Variants in DIP2C observed in about 807,000 individuals in gnomAD.
DIP2C encodes DIP2 acetate--CoA ligase C (putative).
In DIP2C, 33 loss-of-function variants were observed where a neutral mutation model predicts 192.4. The observed-to-expected ratio is 0.17, with a 90% CI of 0.13 to 0.23. DIP2C has a LOEUF of 0.23. Ranked by LOEUF, DIP2C falls within the 10% of genes least tolerant of loss-of-function variation. The pLI, the probability that DIP2C is intolerant of heterozygous loss-of-function variation, is 1.00. For missense variants in DIP2C, 1,537 were observed against 2,110.1 expected, an observed-to-expected ratio of 0.73 and a Z score of 5.32; for synonymous variants, 979 against 864.1, an observed-to-expected ratio of 1.13 and a Z score of -2.33.
At chr10:405,081 T>C (rs1964706271) in intron 9 of DIP2C, among the ~76,000 whole-genome samples, 1 of 152,248 alleles carries the variant, frequency 6.6e-6, no homozygotes, top group African/African-American at 2.4e-5. Flanking sequence ...GTTGCACCCA[T>C]TCATGAGAAC....
intron 1 of DIP2C, among the ~76,000 whole-genome samples, chr10:661,264 G>T (rs1856746360): frequency 6.6e-6 from 1 of 152,192 alleles, no homozygotes; most frequent in African/African-American, 2.4e-5. Context: ...GCCTCCCTGG[G>T]GACCTGGCTC....
In DIP2C at chr10:345,036, A is replaced by AGCCGCC; in HGVS notation, c.3300_3305dup (p.Ala1101_Ala1102dup). The AGCCGCC allele has an allele frequency of 6.2e-7, 1 of 1,613,474 alleles. No homozygotes were observed. ...TGAGGGGCCACGTCCTGACGTCCAC[A>AGCCGCC]GCCGCCGCCGCCTCCCTGGACCGCA... is the stretch of plus-strand genomic sequence containing the variant. On this transcript the variant is annotated inframe_insertion, in exon 27 of 37. Coordinates refer to ENST00000280886, the MANE Select transcript of DIP2C (RefSeq NM_014974.3).
chr10:443,465 T>C (rs1025718284), intron 3 of DIP2C, among the ~76,000 whole-genome samples: 3 of 152,176 alleles, frequency 2.0e-5, no homozygotes, highest in African/African-American at 7.2e-5. Flanking sequence ...TAGTGAAGTA[T>C]GGTGTTTGGA....
At chr10:582,649 A>C (rs925281758) in intron 1 of DIP2C, among the ~76,000 whole-genome samples, 5 of 152,222 alleles carry the variant, frequency 3.3e-5, no homozygotes, top group Non-Finnish European at 7.3e-5. Context: ...ACACCGCAGA[A>C]GACTAGAGAA....
At chr10:514,643 G>C (rs1426123193) in intron 1 of DIP2C, among the ~76,000 whole-genome samples, 2 of 151,784 alleles carry the variant, frequency 1.3e-5, no homozygotes, top group Non-Finnish European at 2.9e-5. Context: ...CCTGGCCCCT[G>C]ACACCGACCC....
chr10:336,978 C>CTGTGTG (rs141349366), intron 29 of DIP2C, among the ~76,000 whole-genome samples: 17 of 33,294 alleles, frequency 5.1e-4, no homozygotes, highest in Non-Finnish European at 8.0e-4. Context: ...GCCTAGGCAG[C>CTGTGTG]TGTGTGTGTG....
intron 32 of DIP2C, among the ~76,000 whole-genome samples, chr10:305,264 C>G (rs1564530334): frequency 6.6e-6 from 1 of 152,218 alleles, no homozygotes; most frequent in East Asian, 1.9e-4. Context: ...CTCATATTCA[C>G]ATGTGCAGAC....
intron 1 of DIP2C, chr10:668,418 C>T (rs1451601939): frequency 6.6e-6 from 1 of 152,164 alleles, no homozygotes; most frequent in Admixed American, 6.5e-5. Context: ...ATACAACATA[C>T]AACCCATACA....
chr10:481,355 G>C (rs1018005696), intron 2 of DIP2C, among the ~76,000 whole-genome samples: 3 of 152,186 alleles, frequency 2.0e-5, no homozygotes, highest in African/African-American at 7.2e-5. Flanking sequence ...CCTCACAACT[G>C]TCAAAGCCCA....
At chr10:662,911 C>A (rs975409340) in intron 1 of DIP2C, 1 of 717,502 alleles carries the variant, frequency 1.4e-6, no homozygotes, top group South Asian at 1.5e-5. Context: ...TGAACACTCT[C>A]GGGAGAGGTG....
At position 689,055 on chromosome 10, in the gene DIP2C, C is replaced by A. The variant is rs1485911055; in HGVS notation, c.85+439G>T. Among the ~76,000 whole-genome samples, 3 of 152,152 alleles carry A rather than the reference C, an allele frequency of 2.0e-5. No individual in the cohort carries two copies. Among genetic ancestry groups the A allele is most frequent in the Admixed American group, 2.0e-4 (3 of 15,296 alleles). On this transcript the variant is annotated intron_variant, in intron 1 of 36. Coordinates refer to ENST00000280886, the MANE Select transcript of DIP2C (RefSeq NM_014974.3). The surrounding 1 kb of genome is among the most constrained non-coding windows in gnomAD (Gnocchi z 6.1). ...CACCGCGCTGCTGCACCAAGGACGC[C>A]GCGGCTCCAGCGCAGAGCGCACGGG...
At chr10:438,874 T>C (rs142816221) in intron 4 of DIP2C, among the ~76,000 whole-genome samples, 2,457 of 152,126 alleles carry the variant, frequency 0.016, 76 homozygotes, top group African/African-American at 0.056. Flanking sequence ...CAGGCTGGAG[T>C]GCAGTGGTGC....
intron 35 of DIP2C, 47 bp from the exon 36 acceptor site, chr10:281,370 A>G (rs767966368): frequency 6.5e-7 from 1 of 1,549,798 alleles, no homozygotes; most frequent in Non-Finnish European, 8.7e-7. Flanking sequence ...AATGCCGCTC[A>G]AGCCGTTTCC....
intron 36 of DIP2C, among the ~76,000 whole-genome samples, chr10:277,823 C>G (rs2132113830): frequency 6.6e-6 from 1 of 152,282 alleles, no homozygotes; most frequent in Middle Eastern, 3.4e-3. Flanking sequence ...GTTTCACCAT[C>G]TTCCCGAGTT....
chr10:626,614 C>A (rs1004007326), intron 1 of DIP2C, among the ~76,000 whole-genome samples: 1 of 152,150 alleles, frequency 6.6e-6, no homozygotes, highest in African/African-American at 2.4e-5. Flanking sequence ...AGAGGCTCAG[C>A]TGCACCCAGA....
At chr10:414,890 G>GTGTGTGTA (rs1452383924) in intron 7 of DIP2C, among the ~76,000 whole-genome samples, 43 of 36,126 alleles carry the variant, frequency 1.2e-3, no homozygotes, top group Non-Finnish European at 2.0e-3. Flanking sequence ...GTGTGTGTGT[G>GTGTGTGTA]TATATATATA....
chr10:423,406 TCAG>T (rs377087139), intron 4 of DIP2C, among the ~76,000 whole-genome samples: 1 of 152,344 alleles, frequency 6.6e-6, no homozygotes, highest in Non-Finnish European at 1.5e-5. Flanking sequence ...TGTGCGGCTC[TCAG>T]GAGTCTCAGT....
At position 327,051 on chromosome 10, in the gene DIP2C, G is replaced by A. The variant is rs745363519; in HGVS notation, c.3879C>T (p.Val1293=). Reference sequence around the variant, plus strand: ...TCACCCTGCAACCGAACGAGGTGCTGACGGCCCGCGGGTGAAGGCCCAGGT... The same window carrying A: ...TCACCCTGCAACCGAACGAGGTGCTAACGGCCCGCGGGTGAAGGCCCAGGT... ...FKDLGLHPRA[V]STSFGCRVNL... is the part of the protein sequence containing the mutation. Residue 1293 remains valine, a synonymous_variant, in exon 31 of 37, where the codon GTC becomes GTT. Transcript: ENST00000280886. 2 of 1,614,190 alleles carry A rather than the reference G, an allele frequency of 1.2e-6. No homozygotes were observed. The highest frequency in any genetic ancestry group is 1.7e-6 in the Non-Finnish European group (2 of 1,180,026).
chr10:495,265 G>A (rs946819868), intron 1 of DIP2C, among the ~76,000 whole-genome samples: 40 of 152,128 alleles, frequency 2.6e-4, no homozygotes, highest in African/African-American at 8.9e-4. Context: ...CACACTTCAA[G>A]AAAAAATGAG....
Sources: allele counts gnomAD v4.1 joint callset (sites outside exome capture counted in the v4.1 genomes callset), GRCh38; gene constraint gnomAD v4.1.1; non-coding constraint Gnocchi (gnomAD v3.1); transcripts MANE v1.5; gene names NCBI Gene and HGNC (gene_info 2026-07-23, HGNC 2026-07-21).